The following PCDH7 variants were observed in gnomAD, a reference collection of about 807,000 sequenced individuals.
The protein encoded by PCDH7 is protocadherin 7.
In PCDH7, 17 loss-of-function variants were observed where a neutral mutation model predicts 58.9. The observed-to-expected ratio is 0.29, with a 90% confidence interval of 0.20 to 0.43. The LOEUF is 0.43. Ranked by LOEUF, PCDH7 falls within the 20% of genes least tolerant of loss-of-function variation. PCDH7 has a pLI of 1.00. For synonymous variants in PCDH7, 664 were observed against 616.4 expected, an observed-to-expected ratio of 1.08 and a Z score of -1.14; for missense variants, 1,274 against 1,441.0, an observed-to-expected ratio of 0.88 and a Z score of 1.88.
At chr4:30,866,234 T>C (rs1734862613) in intron 1 of PCDH7, among the ~76,000 whole-genome samples, 1 of 152,086 alleles carries the variant, frequency 6.6e-6, no homozygotes, top group African/African-American at 2.4e-5. Flanking sequence ...ATGTTGGTAA[T>C]GAGGGGAGAT....
At chr4:30,806,638 ATTC>A (rs981863499) in intron 1 of PCDH7, among the ~76,000 whole-genome samples, 15 of 151,072 alleles carry the variant, frequency 9.9e-5, no homozygotes, top group Admixed American at 2.0e-4. Context: ...TGCACTCGTT[ATTC>A]TTCTGCTTGG....
intron 3 of PCDH7, among the ~76,000 whole-genome samples, chr4:31,024,819 G>T (rs1754296471): frequency 6.6e-6 from 1 of 152,110 alleles, no homozygotes; most frequent in Non-Finnish European, 1.5e-5. Flanking sequence ...TCCACTCGCT[G>T]CAACCTCTGT....
At chr4:30,764,521 C>G (rs1274773761) in intron 1 of PCDH7, among the ~76,000 whole-genome samples, 1 of 152,070 alleles carries the variant, frequency 6.6e-6, no homozygotes, top group African/African-American at 2.4e-5. Context: ...GAAGATTACC[C>G]AAACATGTGA....
chr4:30,774,828 G>C (rs1274364072), intron 1 of PCDH7, among the ~76,000 whole-genome samples: 1 of 152,062 alleles, frequency 6.6e-6, no homozygotes, highest in Non-Finnish European at 1.5e-5. Flanking sequence ...ATACCTAACT[G>C]ATAGTATTTC....
intron 1 of PCDH7, among the ~76,000 whole-genome samples, chr4:30,911,437 T>C (rs539674923): frequency 6.0e-4 from 91 of 151,748 alleles, no homozygotes; most frequent in African/African-American, 2.2e-3. Context: ...CAGAGACCTA[T>C]GGCCCACAAA....
intron 3 of PCDH7, among the ~76,000 whole-genome samples, chr4:30,964,387 G>A (rs1479173024): frequency 6.6e-6 from 1 of 151,634 alleles, no homozygotes; most frequent in African/African-American, 2.4e-5. Context: ...GACTACAGGC[G>A]TCCGCCACCT....
chr4:30,739,160 T>A (rs1021956558), intron 1 of PCDH7, among the ~76,000 whole-genome samples: 1 of 145,438 alleles, frequency 6.9e-6, no homozygotes, highest in Non-Finnish European at 1.5e-5. Flanking sequence ...TATATATATA[T>A]TATATATATA....
At position 31,119,359 on chromosome 4, in the gene PCDH7, A is replaced by G. The variant is rs117913598; in HGVS notation, c.*8-23114A>G. Among the ~76,000 whole-genome samples the G allele has an allele frequency of 1.8e-4, 28 of 152,266 alleles. No homozygotes were observed. The East Asian group carries it at 5.4e-3, about 30-fold the overall frequency. ...CTGTAACCATTGAGAGTCAAGGGTT[A>G]TAATTAATCCACACCCTTTACCTTA... is the stretch of plus-strand genomic sequence containing the variant. On this transcript the variant is annotated intron_variant, in intron 3 of 3. Transcript: ENST00000509759.
chr4:31,011,177 T>C (rs1753157721), intron 3 of PCDH7, among the ~76,000 whole-genome samples: 1 of 152,002 alleles, frequency 6.6e-6, no homozygotes, highest in Non-Finnish European at 1.5e-5. Context: ...TACAGTTTTG[T>C]AGCAGGTGTG....
At chr4:30,829,096 G>A (rs1298587016) in intron 1 of PCDH7, among the ~76,000 whole-genome samples, 1 of 151,762 alleles carries the variant, frequency 6.6e-6, no homozygotes, top group Admixed American at 6.6e-5. Context: ...TTATTTCATT[G>A]CTTCATCTTT....
intron 1 of PCDH7, among the ~76,000 whole-genome samples, chr4:30,883,202 G>T (rs929679603): frequency 6.6e-6 from 1 of 152,158 alleles, no homozygotes; most frequent in Non-Finnish European, 1.5e-5. Context: ...AGAAAGAAAT[G>T]TTATCTTCTC....
In PCDH7 at chr4:30,722,226, C is replaced by G; in HGVS notation, c.804C>G (p.Arg268=). 6 of 1,591,376 alleles carry G rather than the reference C, an allele frequency of 3.8e-6. No homozygotes were observed. Among genetic ancestry groups the G allele is most frequent in the Non-Finnish European group, 5.1e-6 (6 of 1,169,830 alleles). The change falls in exon 1 of 2, where the codon CGC becomes CGG. Residue 268 remains arginine (R), a synonymous_variant. Coordinates refer to ENST00000361762, the Ensembl canonical transcript of PCDH7. This position sits in a 1 kb window ranked among gnomAD's most constrained non-coding sequence, Gnocchi z 7.6. ...TGATCGTGAAGGGGGCGCTGGACCG[C>G]GAGCAGCGCGACTCCTACGAGCTGA...
chr4:31,051,225 C>T (rs1756707262), intron 3 of PCDH7, among the ~76,000 whole-genome samples: 1 of 152,140 alleles, frequency 6.6e-6, no homozygotes, highest in Admixed American at 6.6e-5. Flanking sequence ...GCATGTCTCA[C>T]TCCATTATAA....
At chr4:31,125,757 G>T (rs1718226639) in intron 3 of PCDH7, among the ~76,000 whole-genome samples, 1 of 152,218 alleles carries the variant, frequency 6.6e-6, no homozygotes. Context: ...CTCAACTGCA[G>T]GCTAATGTTC....
At chr4:31,063,328 C>G (rs371672595) in intron 3 of PCDH7, among the ~76,000 whole-genome samples, 1 of 151,746 alleles carries the variant, frequency 6.6e-6, no homozygotes, top group African/African-American at 2.4e-5. Flanking sequence ...TTTCTAATGC[C>G]GACAAATTTT....
At chr4:31,090,494 A>G (rs1373874569) in intron 3 of PCDH7, among the ~76,000 whole-genome samples, 1 of 152,070 alleles carries the variant, frequency 6.6e-6, no homozygotes, top group Non-Finnish European at 1.5e-5. Flanking sequence ...TGTGCTAGCA[A>G]ATACTAGGCC....
rs774741724 is a variant in PCDH7 at position 30,723,994 on chromosome 4, C to T, written c.2572C>T (p.His858Tyr). Residue 858 changes from histidine (H) to tyrosine (Y), a missense_variant, in exon 1 of 2, where the codon CAC becomes TAC. By Grantham distance (83) the His-to-Tyr change is moderately conservative. Around this residue, in one of 3 missense-constraint regions of PCDH7, gnomAD observed 731 missense variants for 881.9 expected, o/e 0.83. Transcript: ENST00000361762. This position sits in a 1 kb window ranked among gnomAD's most constrained non-coding sequence, Gnocchi z 4.6. ...TGACTCCCAGATAGCTAGAAGTTTG[C>T]ACATCCCACTCACCCAGGATATAGC... The T allele has an allele frequency of 6.2e-7, 1 of 1,614,164 alleles. No individual in the cohort carries two copies. Among genetic ancestry groups the T allele is most frequent in the Non-Finnish European group, 8.5e-7 (1 of 1,180,030 alleles).
chr4:31,010,775 A>G, intron 3 of PCDH7, among the ~76,000 whole-genome samples: 1 of 151,954 alleles, frequency 6.6e-6, no homozygotes, highest in Non-Finnish European at 1.5e-5. Flanking sequence ...CCAGACCTCC[A>G]CCTACAGCAA....
intron 1 of PCDH7, among the ~76,000 whole-genome samples, chr4:30,917,761 C>T (rs1742667980): frequency 1.3e-5 from 2 of 151,926 alleles, no homozygotes; most frequent in Non-Finnish European, 2.9e-5. Context: ...ACAGATAAAT[C>T]ATTATTTTAT....
Sources: allele counts gnomAD v4.1 joint callset (sites outside exome capture counted in the v4.1 genomes callset), GRCh38; gene constraint gnomAD v4.1.1; regional missense constraint gnomAD v4.1.1; non-coding constraint Gnocchi (gnomAD v3.1); transcripts MANE v1.5; gene names NCBI Gene and HGNC (gene_info 2026-07-23, HGNC 2026-07-21).